Variants in SMYD3 observed in about 807,000 individuals in gnomAD.
The protein encoded by SMYD3 is histone-lysine N-methyltransferase SMYD3.
Under a neutral mutation model 57.7 loss-of-function variants are expected in SMYD3, and 36 were observed. The ratio of observed to expected loss-of-function variants is 0.62; its 90% confidence interval spans 0.48 to 0.82. The LOEUF is 0.82. SMYD3 is among the 40% of genes least tolerant of loss of function. The pLI, the probability that SMYD3 is intolerant of heterozygous loss-of-function variation, is 0.00. For synonymous variants in SMYD3, 211 were observed against 195.0 expected, an observed-to-expected ratio of 1.08 and a Z score of -0.68; for missense variants, 515 against 538.8, an observed-to-expected ratio of 0.96 and a Z score of 0.44.
chr1:245,984,157 G>A (rs1432271528), intron 5 of SMYD3, among the ~76,000 whole-genome samples: 1 of 151,768 alleles, frequency 6.6e-6, no homozygotes, highest in Non-Finnish European at 1.5e-5. Flanking sequence ...CTGCCACCAC[G>A]CCCGGGTAAT....
intron 1 of SMYD3, among the ~76,000 whole-genome samples, chr1:246,410,605 TC>T (rs2066949181): frequency 6.6e-6 from 1 of 152,230 alleles, no homozygotes; most frequent in Admixed American, 6.5e-5. Flanking sequence ...GCATCGATGT[TC>T]ATCAAGGATA....
intron 5 of SMYD3, among the ~76,000 whole-genome samples, chr1:246,229,106 G>C (rs1295282289): frequency 6.6e-6 from 1 of 151,994 alleles, no homozygotes; most frequent in African/African-American, 2.4e-5. Flanking sequence ...TACTCTAAAT[G>C]TTCAATTAGT....
chr1:246,060,985 T>C (rs562714899), intron 5 of SMYD3, among the ~76,000 whole-genome samples: 1 of 152,310 alleles, frequency 6.6e-6, no homozygotes, highest in East Asian at 1.9e-4. Flanking sequence ...CTCAGCACTT[T>C]GGGAGGCCGA....
intron 5 of SMYD3, among the ~76,000 whole-genome samples, chr1:246,060,539 A>G (rs530571773): frequency 1.2e-3 from 179 of 151,918 alleles, no homozygotes; most frequent in African/African-American, 4.3e-3. Context: ...AAGGAAAAAA[A>G]TAGAAAAAGC....
intron 1 of SMYD3, among the ~76,000 whole-genome samples, chr1:246,380,526 CCTT>C (rs1290230967): frequency 6.6e-6 from 1 of 152,182 alleles, no homozygotes; most frequent in African/African-American, 2.4e-5. Flanking sequence ...CTTTTAAAGA[CCTT>C]CTTCTGAATG....
chr1:246,000,321 G>T (rs911588131), intron 5 of SMYD3, among the ~76,000 whole-genome samples: 3 of 152,082 alleles, frequency 2.0e-5, no homozygotes, highest in African/African-American at 7.2e-5. Flanking sequence ...TCCCAGAAGG[G>T]GTGGGAAGAG....
Position 246,479,502 on chromosome 1 carries a change from ATTTTTTTTT to A in SMYD3, c.164+27543_164+27551del, listed in dbSNP as rs35818746. On this transcript the variant is annotated intron_variant, in intron 1 of 11. Coordinates refer to ENST00000490107, the MANE Select transcript of SMYD3 (RefSeq NM_001167740.2). ...TGTTTGGCATGTGTCAAAAAGCGGGATTTTTTTTTTTTTTTTTTTTTTTGAGACAGGGTC... is the reference window on the plus strand; with the variant it reads ...TGTTTGGCATGTGTCAAAAAGCGGGATTTTTTTTTTTTTTGAGACAGGGTC... 3.6e-4 allele frequency among the ~76,000 whole-genome samples: 39 copies of A among 107,608 alleles called. No individual in the cohort carries two copies. In the East Asian group the frequency reaches 9.4e-3, roughly 26 times the overall value. The allele number at this position is 107,608 out of a possible 152,430, so 70.6% of individuals were successfully genotyped here. A position where few individuals can be genotyped will look rare whatever the true frequency, so the allele number is the denominator to read the frequency against.
At chr1:246,447,523 C>T (rs2067566786) in intron 1 of SMYD3, among the ~76,000 whole-genome samples, 1 of 151,432 alleles carries the variant, frequency 6.6e-6, no homozygotes, top group South Asian at 2.1e-4. Context: ...CAGAAACTGA[C>T]TGATTCAGAG....
At chr1:246,469,438 T>C (rs1387779036) in intron 1 of SMYD3, among the ~76,000 whole-genome samples, 1 of 152,148 alleles carries the variant, frequency 6.6e-6, no homozygotes, top group Non-Finnish European at 1.5e-5. Context: ...CTGGAACATT[T>C]TGTTGGACTG....
intron 9 of SMYD3, among the ~76,000 whole-genome samples, chr1:245,859,368 C>A (rs927203999): frequency 2.0e-5 from 3 of 152,156 alleles, no homozygotes; most frequent in East Asian, 3.9e-4. Context: ...GCAAGGGAAA[C>A]GATGCTTTAA....
chr1:245,892,672 AC>A (rs1161984970), intron 8 of SMYD3, among the ~76,000 whole-genome samples: 4 of 152,236 alleles, frequency 2.6e-5, no homozygotes, highest in Non-Finnish European at 5.9e-5. Context: ...AGCAAATGGT[AC>A]TAGAATCATT....
chr1:246,259,182 T>C (rs2063953889), intron 5 of SMYD3, among the ~76,000 whole-genome samples: 1 of 152,256 alleles, frequency 6.6e-6, no homozygotes, highest in African/African-American at 2.4e-5. Context: ...TTGCAATTCA[T>C]GCTTTGAATT....
intron 10 of SMYD3, among the ~76,000 whole-genome samples, chr1:245,853,707 C>G (rs4654135): frequency 1 from 151,678 of 152,232 alleles, 75,566 homozygotes; most frequent in Middle Eastern, 1. Context: ...ATCTTCCAAA[C>G]CTTCTCAAAA....
At chr1:245,955,946 T>C in intron 5 of SMYD3, 1 of 985,044 alleles carries the variant, frequency 1.0e-6, no homozygotes, top group Non-Finnish European at 1.2e-6. Flanking sequence ...CTATAGTTTA[T>C]AGCTGACAGA....
chr1:246,506,999 C>CCCCCCCCCCCCCCCCCA, intron 1 of SMYD3, 55 bp downstream of exon 1: 1 of 972,792 alleles, frequency 1.0e-6, no homozygotes, highest in East Asian at 4.6e-5. Context: ...GCCCCCCCCT[C>CCCCCCCCCCCCCCCCCA]CCCAGCACCC....
intron 5 of SMYD3, among the ~76,000 whole-genome samples, chr1:246,208,458 C>T (rs2063035052): frequency 6.6e-6 from 1 of 152,108 alleles, no homozygotes; most frequent in African/African-American, 2.4e-5. Flanking sequence ...GGGATTAATA[C>T]ACTTCCCCAG....
chr1:246,122,146 A>G (rs1404601209), intron 5 of SMYD3, among the ~76,000 whole-genome samples: 1 of 151,908 alleles, frequency 6.6e-6, no homozygotes, highest in East Asian at 1.9e-4. Context: ...AAGGTAGCTC[A>G]TGCCTGTAAT....
intron 5 of SMYD3, among the ~76,000 whole-genome samples, chr1:245,950,794 A>G (rs964451634): frequency 6.6e-6 from 1 of 152,248 alleles, no homozygotes; most frequent in African/African-American, 2.4e-5. Flanking sequence ...TCAGTTAAGC[A>G]GTGCCATTTC....
intron 2 of SMYD3, among the ~76,000 whole-genome samples, chr1:246,338,193 T>A (rs1006548985): frequency 3.3e-5 from 5 of 152,218 alleles, no homozygotes; most frequent in Non-Finnish European, 5.9e-5. Flanking sequence ...TTCCTTTTCT[T>A]TTTAAAACAT....
Sources: gnomAD v4.1 joint callset for allele counts (sites outside exome capture counted in the v4.1 genomes callset) on GRCh38, gnomAD v4.1.1 for gene constraint, MANE v1.5 for transcripts, NCBI Gene and HGNC (gene_info 2026-07-23, HGNC 2026-07-21) for gene names.